Variants in BPTF observed in about 807,000 individuals in gnomAD.
BPTF encodes the protein nucleosome-remodeling factor subunit BPTF.
A neutral mutation model predicts 292.5 loss-of-function variants in BPTF; 18 were observed. The observed-to-expected ratio is 0.06, with a 90% CI of 0.04 to 0.09. The LOEUF is 0.09. Among genes scored for constraint, BPTF ranks in the 10% least tolerant of loss-of-function variants. BPTF has a pLI of 1.00. For missense variants in BPTF, 2,726 were observed against 3,498.7 expected (o/e 0.78, Z 5.57); for synonymous variants, 1,225 against 1,251.9 (o/e 0.98, Z 0.45).
intron 4 of BPTF, among the ~76,000 whole-genome samples, chr17:67,885,492 A>C (rs969645756): frequency 2.0e-5 from 3 of 152,194 alleles, no homozygotes; most frequent in Non-Finnish European, 4.4e-5. Flanking sequence ...CAGGAGGCTG[A>C]GGCGGGAGAA....
chr17:67,978,987 G>A (rs1324944354), intron 27 of BPTF, among the ~76,000 whole-genome samples: 1 of 149,774 alleles, frequency 6.7e-6, no homozygotes, highest in African/African-American at 2.5e-5. Flanking sequence ...ACCAGCCTGG[G>A]CAACATGAGG....
chr17:67,945,589 A>G lies in BPTF; in HGVS notation c.6881A>G (p.Gln2294Arg), dbSNP rs143981520. Residue 2294 changes from glutamine to arginine, a missense_variant, in exon 21 of 28, where the codon CAG (glutamine) becomes CGG (arginine). Physicochemically the swap from Gln to Arg is conservative, Grantham distance 43. Around this residue, in one of 22 missense-constraint regions of BPTF, gnomAD observed 570 missense variants for 633.5 expected, o/e 0.90. Transcript: ENST00000306378. ...QPQSPAQPEV[Q>R]TQPEVQTQTT... is the part of the protein sequence containing the mutation. ...CAGTCCCCAGCTCAGCCTGAAGTTC[A>G]GACTCAGCCTGAAGTTCAGACCCAA... is the stretch of plus-strand genomic sequence containing the variant. The G allele has an allele frequency of 5.5e-5, 89 of 1,611,830 alleles. No individual in the cohort carries two copies. Among genetic ancestry groups the G allele is most frequent in the Non-Finnish European group, 7.5e-5 (88 of 1,178,986 alleles).
intron 1 of BPTF, among the ~76,000 whole-genome samples, chr17:67,850,571 A>G (rs2144830528): frequency 6.6e-6 from 1 of 152,040 alleles, no homozygotes; most frequent in African/African-American, 2.4e-5. Context: ...GTTTCACCAT[A>G]TTGGCCAGGC....
chr17:67,835,859 G>T (rs990195528), intron 1 of BPTF, among the ~76,000 whole-genome samples: 1 of 151,972 alleles, frequency 6.6e-6, no homozygotes, highest in African/African-American at 2.4e-5. Flanking sequence ...TAGAGATGGG[G>T]TTTCACCATG....
At chr17:67,979,870 G>A (rs1345884989) in intron 27 of BPTF, among the ~76,000 whole-genome samples, 2 of 151,716 alleles carry the variant, frequency 1.3e-5, no homozygotes, top group Non-Finnish European at 1.5e-5. Flanking sequence ...GTGAAACCCC[G>A]TCTACACTAA....
In BPTF at chr17:67,894,025, G is replaced by A. The variant is rs775834046; in HGVS notation, c.2412-9G>A. 1 of 1,610,234 alleles carries A rather than the reference G, an allele frequency of 6.2e-7. No individual in the cohort carries two copies. Among genetic ancestry groups the A allele is most frequent in the South Asian group, 1.1e-5 (1 of 90,832 alleles). On this transcript the variant is annotated splice_polypyrimidine_tract_variant and intron_variant, in intron 6 of 27. Transcript: ENST00000306378. ...TGAAATAATTTCTCTCATTTCTTCT[G>A]AAATACAGGGCAAATTGGATCAAGG...
chr17:67,911,958 T>A lies in BPTF; in HGVS notation c.4074T>A (p.Gly1358=), dbSNP rs1442540441. The part of the protein sequence containing the change: ...RLPVKGTEAN[G]KKPSQQKKLE... ...CGGTCAAGGGGACTGAAGCAAATGG[T>A]AAAAAACCAAGTCAGCAGAAGAAAT... Residue 1358 remains glycine, a synonymous_variant, in exon 11 of 28, where the codon GGT becomes GGA. Transcript: ENST00000306378. The A allele has an allele frequency of 6.2e-7, 1 of 1,613,780 alleles. No homozygotes were observed. Among genetic ancestry groups the A allele is most frequent in the Non-Finnish European group, 8.5e-7 (1 of 1,179,946 alleles).
chr17:67,843,535 T>G (rs1466701463), intron 1 of BPTF, among the ~76,000 whole-genome samples: 5 of 148,956 alleles, frequency 3.4e-5, no homozygotes, highest in Non-Finnish European at 1.5e-5. Flanking sequence ...TATATCTAGA[T>G]ATATATATAG....
intron 1 of BPTF, among the ~76,000 whole-genome samples, chr17:67,845,581 C>G (rs1337284038): frequency 6.6e-6 from 1 of 151,954 alleles, no homozygotes; most frequent in Non-Finnish European, 1.5e-5. Context: ...CAAGACCAGC[C>G]TGGGCAATGT....
chr17:67,866,737 G>A (rs76871039), intron 3 of BPTF, 50 bp downstream of exon 3: 52,388 of 1,481,324 alleles, frequency 0.035, 3,336 homozygotes, highest in East Asian at 0.35. Context: ...GAGCTAAACC[G>A]TTGGTATGAA....
At chr17:67,830,346 G>A (rs2056552030) in intron 1 of BPTF, among the ~76,000 whole-genome samples, 1 of 152,196 alleles carries the variant, frequency 6.6e-6, no homozygotes, top group Non-Finnish European at 1.5e-5. Context: ...GAGAGTTAGT[G>A]ATTTATGTCC....
intron 4 of BPTF, among the ~76,000 whole-genome samples, chr17:67,887,048 G>A (rs1295392386): frequency 6.6e-6 from 1 of 152,202 alleles, no homozygotes; most frequent in Non-Finnish European, 1.5e-5. Flanking sequence ...AAAAAACAGT[G>A]ATGGCTACTG....
intron 11 of BPTF, among the ~76,000 whole-genome samples, chr17:67,917,149 T>C (rs1598636991): frequency 6.7e-6 from 1 of 148,918 alleles, no homozygotes; most frequent in Non-Finnish European, 1.5e-5. Flanking sequence ...TTTTTTTTTT[T>C]TGAGATAGAG....
At chr17:67,924,333 T>G (rs2063692815) in intron 14 of BPTF, among the ~76,000 whole-genome samples, 1 of 152,138 alleles carries the variant, frequency 6.6e-6, no homozygotes, top group Non-Finnish European at 1.5e-5. Flanking sequence ...CAGGCTGGTC[T>G]TGAACTCTTG....
At chr17:67,844,043 G>T (rs1333582367) in intron 1 of BPTF, among the ~76,000 whole-genome samples, 1 of 147,144 alleles carries the variant, frequency 6.8e-6, no homozygotes, top group Non-Finnish European at 1.5e-5. Flanking sequence ...GGGATTACAG[G>T]TGTGAGCCAC....
Position 67,892,381 on chromosome 17 carries a change from A to G in BPTF, c.2055+347A>G, listed in dbSNP as rs571794165. ...TTTATGGTTTATTAAAGAACTGTAGATGATTCACTGCTCAGTTCTAGCTAT... is the reference window on the plus strand; with the variant it reads ...TTTATGGTTTATTAAAGAACTGTAGGTGATTCACTGCTCAGTTCTAGCTAT... On this transcript the variant is annotated intron_variant, in intron 5 of 27. Coordinates refer to ENST00000306378, the MANE Select transcript of BPTF (RefSeq NM_182641.4). Among the ~76,000 whole-genome samples, 4 of 152,366 alleles carry G rather than the reference A, an allele frequency of 2.6e-5. No homozygotes were observed. In the South Asian group the frequency reaches 8.3e-4, roughly 32 times the overall value.
chr17:67,848,075 A>C (rs1025454499), intron 1 of BPTF, among the ~76,000 whole-genome samples: 11 of 152,216 alleles, frequency 7.2e-5, no homozygotes, highest in Non-Finnish European at 1.5e-4. Flanking sequence ...TACCAATCAG[A>C]AATAAGGGGA....
chr17:67,872,052 C>G (rs1383208731), intron 3 of BPTF, among the ~76,000 whole-genome samples: 1 of 152,152 alleles, frequency 6.6e-6, no homozygotes, highest in Non-Finnish European at 1.5e-5. Context: ...TCTCAAACTT[C>G]TAGCCTCAAG....
At chr17:67,849,753 C>T (rs1226949597) in intron 1 of BPTF, among the ~76,000 whole-genome samples, 1 of 151,966 alleles carries the variant, frequency 6.6e-6, no homozygotes, top group Non-Finnish European at 1.5e-5. Context: ...GCCTGGCCAA[C>T]ATGGGGAAAC....
Sources: allele counts gnomAD v4.1 joint callset (sites outside exome capture counted in the v4.1 genomes callset), GRCh38; gene constraint gnomAD v4.1.1; regional missense constraint gnomAD v4.1.1; transcripts MANE v1.5; gene names NCBI Gene and HGNC (gene_info 2026-07-23, HGNC 2026-07-21).